The following IQSEC2 variants were observed in gnomAD, a reference collection of about 807,000 sequenced individuals.
The protein encoded by IQSEC2 is IQ motif and Sec7 domain ArfGEF 2.
A neutral mutation model predicts 74.6 loss-of-function variants in IQSEC2; 6 were observed. The observed-to-expected ratio is 0.08, with a 90% confidence interval of 0.04 to 0.16. The LOEUF is 0.16. Ranked by LOEUF, IQSEC2 falls within the 10% of genes least tolerant of loss-of-function variation. The pLI, the probability that IQSEC2 is intolerant of heterozygous loss-of-function variation, is 1.00. For synonymous variants in IQSEC2, 494 were observed against 544.5 expected, an observed-to-expected ratio of 0.91 and a Z score of 1.29; for missense variants, 734 against 1,306.2, an observed-to-expected ratio of 0.56 and a Z score of 6.75.
chrX:53,302,023 C>T (rs183786294), intron 1 of IQSEC2, among the ~76,000 whole-genome samples: 2 of 112,163 alleles, frequency 1.8e-5, no homozygotes, highest in Admixed American at 1.9e-4. Flanking sequence ...TCCAGCTATG[C>T]GATTTATGAC....
chrX:53,282,345 G>A (rs1306201341), intron 2 of IQSEC2, among the ~76,000 whole-genome samples: 1 of 113,067 alleles, frequency 8.8e-6, no homozygotes, highest in East Asian at 2.8e-4. Context: ...GTAGACTCCA[G>A]GTGCCCTGGC....
intron 1 of IQSEC2, among the ~76,000 whole-genome samples, chrX:53,311,752 C>T (rs1031823197): frequency 9.0e-6 from 1 of 111,317 alleles, no homozygotes; most frequent in Non-Finnish European, 1.9e-5. Flanking sequence ...CCTGTCTCTA[C>T]TAAAAATACA....
chrX:53,242,206 A>G (rs781901053), intron 9 of IQSEC2, among the ~76,000 whole-genome samples: 8 of 109,935 alleles, frequency 7.3e-5, no homozygotes, highest in African/African-American at 2.6e-4. Flanking sequence ...GGCCGAGGCG[A>G]GCGGATCACT....
intron 8 of IQSEC2, among the ~76,000 whole-genome samples, 178 bp downstream of exon 8, chrX:53,246,791 G>A (rs2074314749): frequency 9.0e-6 from 1 of 111,625 alleles, no homozygotes; most frequent in Non-Finnish European, 1.9e-5. Flanking sequence ...AGTACAATGG[G>A]CAAATGACGA....
At chrX:53,267,062 T>C in intron 2 of IQSEC2, 1 of 1,149,526 alleles carries the variant, frequency 8.7e-7, no homozygotes, top group Non-Finnish European at 1.2e-6. Flanking sequence ...CTCCTCCTCT[T>C]CCCTGGGGCC....
intron 2 of IQSEC2, among the ~76,000 whole-genome samples, chrX:53,288,525 C>G (rs1416948924): frequency 1.8e-5 from 2 of 110,829 alleles, no homozygotes; most frequent in East Asian, 5.8e-4. Flanking sequence ...GGCCTGGGCC[C>G]CCTCATCTTC....
intron 2 of IQSEC2, chrX:53,281,672 C>A (rs981028952): frequency 3.1e-6 from 2 of 645,575 alleles, no homozygotes; most frequent in Admixed American, 8.6e-5. Context: ...CAACTGGAAA[C>A]TTTGCTCCTT....
At chrX:53,248,649 G>T (rs1451403695) in intron 6 of IQSEC2, 72 bp downstream of exon 6, 1 of 1,090,755 alleles carries the variant, frequency 9.2e-7, no homozygotes. Context: ...GGGACAGGCT[G>T]CCCCCTTCCT....
rs782081351 is a variant in IQSEC2 at position 53,316,114 on chromosome X, G to A, written c.707+4303C>T. On this transcript the variant is annotated intron_variant, in intron 1 of 14. Coordinates refer to ENST00000642864, the MANE Select transcript of IQSEC2 (RefSeq NM_001111125.3). The stretch of plus-strand genomic sequence containing the variant: ...GCCTGCAACCCTGTCTCCCTGGATG[G>A]AGGGGAGCAGGGGTTCTGCAAGCGC... Among the ~76,000 whole-genome samples, 6 of 112,074 alleles carry A rather than the reference G, an allele frequency of 5.4e-5. No homozygotes were observed. In the East Asian group the frequency reaches 1.7e-3, roughly 32 times the overall value.
chrX:53,281,216 G>A (rs1221300922), intron 2 of IQSEC2, among the ~76,000 whole-genome samples: 4 of 112,477 alleles, frequency 3.6e-5, no homozygotes, highest in South Asian at 3.6e-4. Context: ...GCAGTGCCTC[G>A]CACACAAGGC....
intron 2 of IQSEC2, among the ~76,000 whole-genome samples, chrX:53,288,495 T>C (rs1270323484): frequency 1.9e-5 from 2 of 105,176 alleles, no homozygotes; most frequent in East Asian, 6.2e-4. Context: ...AGGCTGACCC[T>C]CACTGCAGCA....
chrX:53,297,378 C>A (rs781793062), intron 1 of IQSEC2, among the ~76,000 whole-genome samples: 13 of 110,671 alleles, frequency 1.2e-4, no homozygotes, highest in Middle Eastern at 4.7e-3. Context: ...ATTACCCAGG[C>A]TGCAGTAACA....
chrX:53,314,298 T>C (rs2075347231), intron 1 of IQSEC2, among the ~76,000 whole-genome samples: 1 of 112,297 alleles, frequency 8.9e-6, no homozygotes, highest in Non-Finnish European at 1.9e-5. Flanking sequence ...GTGCTATGTG[T>C]TTCCAAGCTT....
In IQSEC2 at chrX:53,256,058, C is replaced by A; in HGVS notation, c.741G>T (p.Val247=). 8.6e-7 allele frequency: 1 copy of A among 1,167,851 alleles called. No individual in the cohort carries two copies. Among genetic ancestry groups the A allele is most frequent in the Non-Finnish European group, 1.1e-6 (1 of 872,943 alleles). Residue 247 remains valine, a synonymous_variant, in exon 3 of 15, where the codon GTG becomes GTT. Coordinates refer to ENST00000642864, the MANE Select transcript of IQSEC2 (RefSeq NM_001111125.3). ...GGTCACTGCCTGGGGCATCACCCTC[C>A]ACACTGTGGGGATGAGATAAGATGA... ...SDGENSRTVS[V]EGDAPGSDLS...
chrX:53,254,011 C>G (rs2074428327), intron 4 of IQSEC2, among the ~76,000 whole-genome samples: 1 of 111,887 alleles, frequency 8.9e-6, no homozygotes, highest in African/African-American at 3.3e-5. Flanking sequence ...ATGGAACACC[C>G]ATATTTATAA....
rs144246107 is a variant in IQSEC2, at chrX:53,319,115, C to T, written c.707+1302G>A. On this transcript the variant is annotated intron_variant, in intron 1 of 14. Transcript: ENST00000642864. ...TCAACCCAGCACCCCAGCCTGCTGCCTCACCACGGGGGAGTTGCAGAGAGC... is the reference window on the plus strand; with the variant it reads ...TCAACCCAGCACCCCAGCCTGCTGCTTCACCACGGGGGAGTTGCAGAGAGC... Among the ~76,000 whole-genome samples the T allele has an allele frequency of 5.2e-4, 59 of 112,638 alleles. 1 individual carries two copies. In the East Asian group the frequency reaches 0.014, roughly 27 times the overall value.
chrX:53,308,443 C>T (rs1278993108), intron 1 of IQSEC2, among the ~76,000 whole-genome samples: 1 of 111,179 alleles, frequency 9.0e-6, no homozygotes, highest in Non-Finnish European at 1.9e-5. Context: ...AATTACAGTA[C>T]ACTATTTGGC....
At chrX:53,283,971 G>A (rs1200974740) in intron 2 of IQSEC2, among the ~76,000 whole-genome samples, 1 of 111,613 alleles carries the variant, frequency 9.0e-6, no homozygotes, top group Non-Finnish European at 1.9e-5. Context: ...CAGCAAGCAC[G>A]AAGAGACTGA....
chrX:53,231,429 T>C (rs782436258), downstream of IQSEC2: 4 of 111,111 alleles, frequency 3.6e-5, no homozygotes, highest in South Asian at 7.7e-4. Context: ...ACCACAGAGA[T>C]TGGCTGGGCC....
Sources: gnomAD v4.1 joint callset for allele counts (sites outside exome capture counted in the v4.1 genomes callset) on GRCh38, gnomAD v4.1.1 for gene constraint, MANE v1.5 for transcripts, NCBI Gene and HGNC (gene_info 2026-07-23, HGNC 2026-07-21) for gene names.